The following PARVA variants were observed in gnomAD, a reference collection of about 807,000 sequenced individuals.
PARVA encodes parvin alpha.
In PARVA, 25 loss-of-function variants were observed where a neutral mutation model predicts 52.6. The observed-to-expected ratio is 0.48, with a 90% CI of 0.35 to 0.66. The LOEUF (loss-of-function observed/expected upper bound fraction) is 0.66, where lower values mean the gene tolerates loss of function less well. PARVA is among the 30% of genes least tolerant of loss of function. PARVA has a pLI of 0.01. For synonymous variants in PARVA, 185 were observed against 179.1 expected, an observed-to-expected ratio of 1.03 and a Z score of -0.26; for missense variants, 373 against 450.9, an observed-to-expected ratio of 0.83 and a Z score of 1.56.
chr11:12,376,849 T>C (rs1939396333), upstream of PARVA: 1 of 454,052 alleles, frequency 2.2e-6, no homozygotes, highest in Non-Finnish European at 2.9e-6. Context: ...CTCTTGCTTT[T>C]ATTTAGGCAG....
At chr11:12,444,996 G>A (rs1018530039) in intron 1 of PARVA, among the ~76,000 whole-genome samples, 1 of 152,208 alleles carries the variant, frequency 6.6e-6, no homozygotes, top group African/African-American at 2.4e-5. Flanking sequence ...CAAGTAGGCA[G>A]TGGTCTAGGG....
rs1228295187 is a variant in PARVA at position 12,531,044 on chromosome 11, G to A, written c.*3119G>A. 2.6e-5 allele frequency among the ~76,000 whole-genome samples: 4 copies of A among 152,246 alleles called. No individual in the cohort carries two copies. The highest frequency in any genetic ancestry group is 5.9e-5 in the Non-Finnish European group (4 of 68,012). The stretch of plus-strand genomic sequence containing the variant: ...GTGAATTGTATGCAGATTGATGAAG[G>A]TTTCATTTTTATATATTACCAGGAC... On this transcript the variant is annotated 3_prime_UTR_variant, in exon 13 of 13. Coordinates refer to ENST00000334956, the MANE Select transcript of PARVA (RefSeq NM_018222.5).
chr11:12,458,934 G>A (rs1940736200), intron 1 of PARVA, among the ~76,000 whole-genome samples: 2 of 152,146 alleles, frequency 1.3e-5, no homozygotes, highest in Non-Finnish European at 2.9e-5. Context: ...CACCTTTATT[G>A]TCTCTTCTTG....
In PARVA at chr11:12,473,827, G is replaced by T; in HGVS notation, c.219G>T (p.Thr73=). Reference sequence around the variant, plus strand: ...CCTTTGAGCTGGACCCCGAGGACACGATGCTGGGTAACTGTGCTCTTGTCT... The same window carrying T: ...CCTTTGAGCTGGACCCCGAGGACACTATGCTGGGTAACTGTGCTCTTGTCT... ...PIPFELDPED[T]MLEENEVRTM... is the part of the protein sequence containing the mutation. Residue 73 remains threonine (T), a synonymous_variant, in exon 2 of 13, where the codon ACG becomes ACT. Transcript: ENST00000334956. 1 of 1,569,414 alleles carries T rather than the reference G, an allele frequency of 6.4e-7. No individual in the cohort carries two copies. Among genetic ancestry groups the T allele is most frequent in the East Asian group, 2.4e-5 (1 of 42,250 alleles).
In PARVA at chr11:12,468,133, T is replaced by A. The variant is rs141341756; in HGVS notation, c.137-5612T>A. ...TCTTCTCCATCCAAAGTTAGCCTTG[T>A]TCTACATGAGCCCTGTGGCTCTCTC... On this transcript the variant is annotated intron_variant, in intron 1 of 12. Transcript: ENST00000334956. Among the ~76,000 whole-genome samples the A allele has an allele frequency of 7.9e-3, 1,196 of 152,348 alleles. 12 individuals carry two copies. Among genetic ancestry groups the A allele is most frequent in the Admixed American group, 0.03 (463 of 15,298 alleles).
At chr11:12,438,395 C>T (rs972865341) in intron 1 of PARVA, among the ~76,000 whole-genome samples, 7 of 152,028 alleles carry the variant, frequency 4.6e-5, no homozygotes, top group Non-Finnish European at 1.0e-4. Context: ...AGAGAGCAAG[C>T]AAGCACACCA....
chr11:12,513,966 C>T lies in PARVA; in HGVS notation c.799-31C>T, dbSNP rs1007165108. ...AGGCTCCTGCACTAGTGCGAGTCCC[C>T]AGCTTAGGGCCTGCTTTGCTTCTCT... On this transcript the variant is annotated intron_variant, in intron 9 of 12. Transcript: ENST00000334956. 5.6e-6 allele frequency: 9 copies of T among 1,599,732 alleles called. No individual in the cohort carries two copies. In the African/African-American group the frequency reaches 1.2e-4, roughly 21 times the overall value.
At position 12,503,547 on chromosome 11, in the gene PARVA, A is replaced by G. The variant is rs538220219; in HGVS notation, c.542-767A>G. Among the ~76,000 whole-genome samples the G allele has an allele frequency of 1.1e-4, 17 of 152,114 alleles. No individual in the cohort carries two copies. In the East Asian group the frequency reaches 2.7e-3, roughly 24 times the overall value. Reference sequence around the variant, plus strand: ...TGGAAATCTGGCAATAATATGACCCAAGAAGGAGCCCCATGGGACCTGGCA... The same window carrying G: ...TGGAAATCTGGCAATAATATGACCCGAGAAGGAGCCCCATGGGACCTGGCA... On this transcript the variant is annotated intron_variant, in intron 5 of 12. Transcript: ENST00000334956.
At chr11:12,439,873 G>C (rs982705069) in intron 1 of PARVA, among the ~76,000 whole-genome samples, 2 of 152,214 alleles carry the variant, frequency 1.3e-5, no homozygotes, top group Non-Finnish European at 2.9e-5. Context: ...TCCAGCCTCT[G>C]TTCAAATCCT....
chr11:12,487,123 G>A (rs1048155944), intron 4 of PARVA, among the ~76,000 whole-genome samples: 1 of 152,172 alleles, frequency 6.6e-6, no homozygotes, highest in Non-Finnish European at 1.5e-5. Flanking sequence ...AGAGGACCTA[G>A]AGATGTAGGG....
At chr11:12,465,617 T>C (rs780745013) in intron 1 of PARVA, among the ~76,000 whole-genome samples, 1 of 152,236 alleles carries the variant, frequency 6.6e-6, no homozygotes, top group Non-Finnish European at 1.5e-5. Flanking sequence ...TAGAATTGTA[T>C]AGCATGTAGC....
At chr11:12,434,215 G>T (rs535961260) in intron 1 of PARVA, among the ~76,000 whole-genome samples, 4 of 152,236 alleles carry the variant, frequency 2.6e-5, no homozygotes, top group Non-Finnish European at 5.9e-5. Context: ...GAAAGGCAGT[G>T]GGGGGCAAGG....
intron 4 of PARVA, chr11:12,478,918 G>C (rs896668460): frequency 6.6e-6 from 1 of 152,118 alleles, no homozygotes; most frequent in Non-Finnish European, 1.5e-5. Context: ...TCTCCTGCTG[G>C]ACAAAGTCCA....
At chr11:12,511,969 A>T (rs1941508170) in intron 8 of PARVA, among the ~76,000 whole-genome samples, 1 of 152,222 alleles carries the variant, frequency 6.6e-6, no homozygotes, top group African/African-American at 2.4e-5. Flanking sequence ...GATAAACAAC[A>T]ATCAAAAAGA....
intron 1 of PARVA, among the ~76,000 whole-genome samples, chr11:12,440,910 C>G (rs1297799471): frequency 6.6e-6 from 1 of 152,218 alleles, no homozygotes; most frequent in Admixed American, 6.5e-5. Flanking sequence ...CAGATCATCT[C>G]CTTTAGGGTA....
At chr11:12,411,407 ATG>A (rs1939991318) in intron 1 of PARVA, among the ~76,000 whole-genome samples, 1 of 152,218 alleles carries the variant, frequency 6.6e-6, no homozygotes, top group African/African-American at 2.4e-5. Context: ...TAATGAACCA[ATG>A]TTAATACATA....
At chr11:12,487,588 A>C (rs553726331) in intron 4 of PARVA, among the ~76,000 whole-genome samples, 144 of 152,372 alleles carry the variant, frequency 9.5e-4, no homozygotes, top group African/African-American at 3.4e-3. Flanking sequence ...CATTGCCATC[A>C]TACCAGATAG....
chr11:12,501,777 G>C (rs892014827), intron 5 of PARVA, among the ~76,000 whole-genome samples: 1 of 152,168 alleles, frequency 6.6e-6, no homozygotes, highest in African/African-American at 2.4e-5. Context: ...AAAATCCCAG[G>C]AGGATAGAGC....
In PARVA at chr11:12,507,371, A is replaced by T. The variant is rs113077934; in HGVS notation, c.658-1213A>T. On this transcript the variant is annotated intron_variant, in intron 6 of 12. Coordinates refer to ENST00000334956, the MANE Select transcript of PARVA (RefSeq NM_018222.5). ...GTGGTGGAGGGACGTAGTAGAATGA[A>T]TCTCCCTCCTCACACCCATCAGAAA... 2.0e-3 allele frequency among the ~76,000 whole-genome samples: 309 copies of T among 152,136 alleles called. 2 individuals are homozygous for T. The highest frequency in any genetic ancestry group is 6.9e-3 in the African/African-American group (288 of 41,508).
Sources: allele counts gnomAD v4.1 joint callset (sites outside exome capture counted in the v4.1 genomes callset), GRCh38; gene constraint gnomAD v4.1.1; transcripts MANE v1.5; gene names NCBI Gene and HGNC (gene_info 2026-07-23, HGNC 2026-07-21).